The following MGAT5 variants were observed in gnomAD, a reference collection of about 807,000 sequenced individuals.
MGAT5 encodes alpha-1,6-mannosylglycoprotein 6-beta-N-acetylglucosaminyltransferase A.
Under a neutral mutation model 94.3 loss-of-function variants are expected in MGAT5, and 30 were observed. The observed-to-expected ratio is 0.32, with a 90% CI of 0.24 to 0.43. The LOEUF (loss-of-function observed/expected upper bound fraction) is 0.43. Ranked by LOEUF, MGAT5 falls within the 20% of genes least tolerant of loss-of-function variation. MGAT5 has a pLI of 1.00. For missense variants in MGAT5, 691 were observed against 905.5 expected (o/e 0.76, Z 3.04); for synonymous variants, 310 against 322.9 (o/e 0.96, Z 0.43).
At chr2:134,142,370 G>A (rs553084800) in intron 1 of MGAT5, among the ~76,000 whole-genome samples, 10 of 152,318 alleles carry the variant, frequency 6.6e-5, no homozygotes, top group African/African-American at 2.2e-4. Context: ...AGAAAGGCCC[G>A]GCCCCGCCTG....
intron 1 of MGAT5, among the ~76,000 whole-genome samples, chr2:134,179,911 C>T (rs1688656580): frequency 6.6e-6 from 1 of 152,130 alleles, no homozygotes; most frequent in African/African-American, 2.4e-5. Context: ...AGAAGCTGGC[C>T]AAATCCCACC....
At chr2:134,123,219 C>G (rs2104870450) in intron 1 of MGAT5, among the ~76,000 whole-genome samples, 1 of 152,312 alleles carries the variant, frequency 6.6e-6, no homozygotes, top group South Asian at 2.1e-4. Context: ...GTTACCCTAG[C>G]TGACGGGGAG....
At chr2:134,138,876 G>A (rs945122749) in intron 1 of MGAT5, among the ~76,000 whole-genome samples, 3 of 152,170 alleles carry the variant, frequency 2.0e-5, no homozygotes, top group African/African-American at 7.2e-5. Context: ...GGGATAACAG[G>A]CATAAAAGGG....
intron 10 of MGAT5, among the ~76,000 whole-genome samples, chr2:134,396,604 C>G (rs558847325): frequency 6.6e-6 from 1 of 152,164 alleles, no homozygotes. Context: ...ACTTTAAGCT[C>G]GTTTGCTGGA....
In MGAT5 at chr2:134,452,993, G is replaced by A. The variant is rs1468619314; in HGVS notation, c.*4146G>A. ...AAGACCAAATTAGCTGTAGAGTCTT[G>A]AATGCAGAAAAAAATTACCCTAGCT... On this transcript the variant is annotated 3_prime_UTR_variant, in exon 16 of 16. Transcript: ENST00000281923. 2.0e-5 allele frequency: 3 copies of A among 152,210 alleles called. No individual in the cohort carries two copies. Among genetic ancestry groups the A allele is most frequent in the African/African-American group, 7.2e-5 (3 of 41,452 alleles). 9.4% of individuals were successfully genotyped at this position (152,210 alleles called of 1,614,324 possible).
rs138643972 is a variant in MGAT5, at chr2:134,159,188, C to CGTGTGTGTGTGT, written c.-143+38923_-143+38934dup. 3.1e-3 allele frequency among the ~76,000 whole-genome samples: 444 copies of CGTGTGTGTGTGT among 144,092 alleles called. 4 individuals are homozygous for CGTGTGTGTGTGT. The highest frequency in any genetic ancestry group is 3.7e-3 in the South Asian group (16 of 4,308). The allele number at this position is 144,092 out of a possible 152,430, so 94.5% of individuals were successfully genotyped here. A position where few individuals can be genotyped will look rare whatever the true frequency, so the allele number is the denominator to read the frequency against. On this transcript the variant is annotated intron_variant, in intron 1 of 16. Coordinates refer to the MGAT5 transcript ENST00000409645. ...CTTCTGGAGAACACTGGTCTAAATTCGTGTGTGTGTGTGTGTGTGTGTGTG... is the reference window on the plus strand; with the variant it reads ...CTTCTGGAGAACACTGGTCTAAATTCGTGTGTGTGTGTGTGTGTGTGTGTGTGTGTGTGTGTG...
chr2:134,177,735 A>G (rs1238323659), intron 1 of MGAT5, among the ~76,000 whole-genome samples: 1 of 152,242 alleles, frequency 6.6e-6, no homozygotes, highest in East Asian at 1.9e-4. Flanking sequence ...AAGTTGCCTC[A>G]GAATTAATGG....
At chr2:134,260,896 T>C (rs934930126) in intron 1 of MGAT5, among the ~76,000 whole-genome samples, 1 of 152,070 alleles carries the variant, frequency 6.6e-6, no homozygotes, top group Non-Finnish European at 1.5e-5. Flanking sequence ...GCTGGTGTGA[T>C]TAAAGAAAGG....
chr2:134,264,011 C>T (rs1573646628), intron 1 of MGAT5, among the ~76,000 whole-genome samples: 2 of 140,342 alleles, frequency 1.4e-5, no homozygotes, highest in Middle Eastern at 3.8e-3. Context: ...TTCCTTATGC[C>T]ATTAGGTTTT....
intron 1 of MGAT5, among the ~76,000 whole-genome samples, chr2:134,243,037 G>A (rs1682054213): frequency 6.6e-6 from 1 of 151,600 alleles, no homozygotes; most frequent in African/African-American, 2.4e-5. Context: ...CATTTGTGGG[G>A]TGGGAGAAGA....
intron 1 of MGAT5, among the ~76,000 whole-genome samples, chr2:134,264,935 T>C (rs575728442): frequency 2.0e-5 from 3 of 152,342 alleles, no homozygotes; most frequent in African/African-American, 7.2e-5. Context: ...TGTAAGACCT[T>C]GCTCATTGCG....
chr2:134,319,808 C>T (rs2105907473), intron 4 of MGAT5: 1 of 383,068 alleles, frequency 2.6e-6, no homozygotes, highest in South Asian at 1.9e-5. Context: ...ATTCTGGGTC[C>T]GTACATATGC....
intron 14 of MGAT5, among the ~76,000 whole-genome samples, chr2:134,430,046 G>A (rs1321903782): frequency 3.3e-5 from 5 of 152,138 alleles, no homozygotes; most frequent in African/African-American, 7.2e-5. Flanking sequence ...TTTGCTTCCC[G>A]TCTTCTTGCA....
chr2:134,311,296 G>A (rs192481521), intron 2 of MGAT5, among the ~76,000 whole-genome samples: 9 of 152,062 alleles, frequency 5.9e-5, no homozygotes, highest in Non-Finnish European at 1.0e-4. Context: ...TGGCAATGGC[G>A]ATGGATTTAG....
At chr2:134,143,737 G>C (rs149696877) in intron 1 of MGAT5, among the ~76,000 whole-genome samples, 1 of 152,322 alleles carries the variant, frequency 6.6e-6, no homozygotes, top group African/African-American at 2.4e-5. Flanking sequence ...CTGTGGAAGA[G>C]GAGGGTGTGC....
At chr2:134,287,079 T>C (rs1173403849) in intron 2 of MGAT5, among the ~76,000 whole-genome samples, 1 of 152,230 alleles carries the variant, frequency 6.6e-6, no homozygotes, top group Non-Finnish European at 1.5e-5. Context: ...GTCTTTCTTC[T>C]AGAACTCACT....
chr2:134,358,535 AG>A (rs911035373), intron 9 of MGAT5, among the ~76,000 whole-genome samples: 2 of 152,204 alleles, frequency 1.3e-5, no homozygotes, highest in African/African-American at 4.8e-5. Flanking sequence ...TGGATTTTTG[AG>A]AAACTAATAT....
chr2:134,326,034 C>CTCTT (rs1425756564), intron 4 of MGAT5, among the ~76,000 whole-genome samples: 2 of 26,626 alleles, frequency 7.5e-5, no homozygotes, highest in Non-Finnish European at 2.2e-4. Flanking sequence ...TGCCTGATTT[C>CTCTT]TCTTTCTCTC....
intron 1 of MGAT5, among the ~76,000 whole-genome samples, chr2:134,138,657 C>T (rs977149706): frequency 2.0e-5 from 3 of 152,130 alleles, no homozygotes; most frequent in Admixed American, 1.3e-4. Flanking sequence ...CTCCTGTTAC[C>T]GTGTCTTGTG....
Sources: gnomAD v4.1 joint callset for allele counts (sites outside exome capture counted in the v4.1 genomes callset) on GRCh38, gnomAD v4.1.1 for gene constraint, MANE v1.5 for transcripts, NCBI Gene and HGNC (gene_info 2026-07-23, HGNC 2026-07-21) for gene names.